The following CSMD1 variants were observed in gnomAD, a reference collection of about 807,000 sequenced individuals.
CSMD1 encodes the protein CUB and Sushi multiple domains 1.
A neutral mutation model predicts 417.5 loss-of-function variants in CSMD1; 213 were observed. That is an observed-to-expected ratio of 0.51 (90% CI 0.46 to 0.57). CSMD1 has a LOEUF of 0.57. Ranked by LOEUF, CSMD1 falls within the 20% of genes least tolerant of loss-of-function variation. The pLI is 0.00. For missense variants in CSMD1, 6,923 were observed against 4,529.7 expected, an observed-to-expected ratio of 1.53 and a Z score of -15.17; for synonymous variants, 2,862 against 1,736.8, an observed-to-expected ratio of 1.65 and a Z score of -16.11.
At chr8:4,569,157 A>G (rs994662103) in intron 2 of CSMD1, among the ~76,000 whole-genome samples, 2 of 152,146 alleles carry the variant, frequency 1.3e-5, no homozygotes, top group Middle Eastern at 3.2e-3. Context: ...ATTAGATTCC[A>G]TCTGTCAATT....
intron 5 of CSMD1, among the ~76,000 whole-genome samples, chr8:3,852,162 A>G (rs904828404): frequency 6.6e-6 from 1 of 152,184 alleles, no homozygotes; most frequent in Non-Finnish European, 1.5e-5. Flanking sequence ...ACTTGATTCT[A>G]CAAGAATCTA....
chr8:2,945,198 G>T (rs554243287), intron 68 of CSMD1, among the ~76,000 whole-genome samples: 21 of 152,222 alleles, frequency 1.4e-4, no homozygotes, highest in African/African-American at 4.8e-4. Context: ...ATAGTTGAGG[G>T]TTTTAAAAAT....
rs1337739484 is a variant in CSMD1, at chr8:4,746,369, T to A, written c.86-108811A>T. Among the ~76,000 whole-genome samples the A allele has an allele frequency of 1.3e-5, 2 of 152,226 alleles. 1 individual carries two copies. The highest frequency in any genetic ancestry group is 2.9e-5 in the Non-Finnish European group (2 of 68,044). ...GTTCAAGGGCTATGGTTTTAAGCGTTAGTCCTTTTCATTATCCTGCAAATC... is the reference window on the plus strand; with the variant it reads ...GTTCAAGGGCTATGGTTTTAAGCGTAAGTCCTTTTCATTATCCTGCAAATC... On this transcript the variant is annotated intron_variant, in intron 1 of 69. Transcript: ENST00000635120.
At chr8:4,974,554 C>A (rs1251935668) in intron 1 of CSMD1, among the ~76,000 whole-genome samples, 4 of 151,986 alleles carry the variant, frequency 2.6e-5, no homozygotes, top group Non-Finnish European at 4.4e-5. Flanking sequence ...GGCATACAAT[C>A]TTTGAAAAAA....
At chr8:3,291,934 G>T (rs1408851245) in intron 25 of CSMD1, among the ~76,000 whole-genome samples, 1 of 151,832 alleles carries the variant, frequency 6.6e-6, no homozygotes, top group Non-Finnish European at 1.5e-5. Context: ...GTCAATTTTA[G>T]ATCTTTCCTG....
At chr8:4,330,744 T>C (rs1799823773) in intron 3 of CSMD1, among the ~76,000 whole-genome samples, 3 of 152,198 alleles carry the variant, frequency 2.0e-5, no homozygotes. Context: ...CTTATCTGCA[T>C]TCCTGTCTTT....
intron 26 of CSMD1, among the ~76,000 whole-genome samples, chr8:3,281,925 T>C (rs1033901166): frequency 5.3e-5 from 8 of 152,058 alleles, no homozygotes; most frequent in Non-Finnish European, 8.8e-5. Flanking sequence ...TCTCAGGAGA[T>C]CTGATTGTTT....
At chr8:3,609,295 C>T (rs1330064401) in intron 8 of CSMD1, among the ~76,000 whole-genome samples, 1 of 152,172 alleles carries the variant, frequency 6.6e-6, no homozygotes, top group Non-Finnish European at 1.5e-5. Context: ...CCAATCTGAG[C>T]TCCCTCCCTC....
At chr8:4,416,296 C>T (rs114716680) in intron 3 of CSMD1, among the ~76,000 whole-genome samples, 4,781 of 152,046 alleles carry the variant, frequency 0.031, 135 homozygotes, top group African/African-American at 0.078. Flanking sequence ...AATTAACTTC[C>T]GAAAAACCTT....
chr8:4,547,608 T>C (rs1160608746), intron 2 of CSMD1, among the ~76,000 whole-genome samples: 2 of 152,238 alleles, frequency 1.3e-5, no homozygotes, highest in Non-Finnish European at 2.9e-5. Context: ...CATTCTTTAC[T>C]GTTTTTCCAC....
intron 1 of CSMD1, among the ~76,000 whole-genome samples, chr8:4,707,936 A>C (rs1808054212): frequency 7.1e-6 from 1 of 141,062 alleles, no homozygotes. Context: ...AAAAGAGGGG[A>C]AAGAAGTTTC....
At chr8:3,596,422 G>C (rs1291145309) in intron 8 of CSMD1, among the ~76,000 whole-genome samples, 1 of 152,304 alleles carries the variant, frequency 6.6e-6, no homozygotes, top group South Asian at 2.1e-4. Context: ...CAATGGAGGA[G>C]GCTGATTCCC....
chr8:4,545,631 G>C lies in CSMD1; in HGVS notation c.302+91711C>G, dbSNP rs926034052. On this transcript the variant is annotated intron_variant, in intron 2 of 69. Coordinates refer to ENST00000635120, the MANE Select transcript of CSMD1 (RefSeq NM_033225.6). Reference sequence around the variant, plus strand: ...TAGAGAAAAAGTGGTTGGCTGGTTCGTGGCTAGGAGTAAGACACCCTAGGA... The same window carrying C: ...TAGAGAAAAAGTGGTTGGCTGGTTCCTGGCTAGGAGTAAGACACCCTAGGA... Among the ~76,000 whole-genome samples, 13 of 152,312 alleles carry C rather than the reference G, an allele frequency of 8.5e-5. No individual in the cohort carries two copies. The East Asian group carries it at 2.5e-3, about 29-fold the overall frequency.
chr8:4,991,389 C>T (rs541566459), intron 1 of CSMD1, among the ~76,000 whole-genome samples: 3 of 152,216 alleles, frequency 2.0e-5, no homozygotes, highest in Non-Finnish European at 2.9e-5. Flanking sequence ...AGTACAGCAC[C>T]ATCAGCTGAA....
intron 1 of CSMD1, among the ~76,000 whole-genome samples, chr8:4,971,671 A>G (rs4266671): frequency 0.27 from 39,171 of 146,176 alleles, 6,303 homozygotes; most frequent in Non-Finnish European, 0.37. Flanking sequence ...CACACATATG[A>G]CTGAGAACTA....
At chr8:4,979,468 T>G (rs1213795410) in intron 1 of CSMD1, among the ~76,000 whole-genome samples, 6 of 152,156 alleles carry the variant, frequency 3.9e-5, no homozygotes, top group Non-Finnish European at 8.8e-5. Flanking sequence ...AAAGGTACCT[T>G]TAGAACACTT....
Position 3,965,063 on chromosome 8 carries a change from C to T in CSMD1, c.818+32840G>A, listed in dbSNP as rs149654302. ...TGCTTGTAAATATTGAGATAAAATC[C>T]ATAAAGCACTCGCCGCAGTAGCTGA... On this transcript the variant is annotated intron_variant, in intron 5 of 69. Coordinates refer to ENST00000635120, the MANE Select transcript of CSMD1 (RefSeq NM_033225.6). Among the ~76,000 whole-genome samples the T allele has an allele frequency of 2.9e-3, 438 of 152,230 alleles. 1 individual carries two copies. Among genetic ancestry groups the T allele is most frequent in the Admixed American group, 5.2e-3 (79 of 15,274 alleles).
At chr8:4,176,033 T>A (rs1584961242) in intron 3 of CSMD1, among the ~76,000 whole-genome samples, 2 of 152,052 alleles carry the variant, frequency 1.3e-5, no homozygotes, top group Admixed American at 6.6e-5. Context: ...CATTTCAGGG[T>A]TCCCAAGAAG....
chr8:4,492,683 GGA>G (rs1419473835), intron 2 of CSMD1, among the ~76,000 whole-genome samples: 3 of 152,080 alleles, frequency 2.0e-5, no homozygotes. Flanking sequence ...GAAGGTAAAA[GGA>G]TTTTTGAGAA....
Sources: allele counts gnomAD v4.1 joint callset (sites outside exome capture counted in the v4.1 genomes callset), GRCh38; gene constraint gnomAD v4.1.1; transcripts MANE v1.5; gene names NCBI Gene and HGNC (gene_info 2026-07-23, HGNC 2026-07-21).